The following NPAS3 variants were observed in gnomAD, a reference collection of about 807,000 sequenced individuals.
NPAS3 encodes neuronal PAS domain protein 3.
Under a neutral mutation model 73.1 loss-of-function variants are expected in NPAS3, and 14 were observed. That is an observed-to-expected ratio of 0.19 (90% CI 0.13 to 0.30). NPAS3 has a LOEUF of 0.30. NPAS3 is among the 10% of genes least tolerant of loss of function. The pLI is 1.00. For missense variants in NPAS3, 1,096 were observed against 1,250.0 expected (o/e 0.88, Z 1.86); for synonymous variants, 620 against 541.5 (o/e 1.14, Z -2.01).
chr14:33,045,211 G>A (rs987935688), intron 1 of NPAS3, among the ~76,000 whole-genome samples: 1 of 152,150 alleles, frequency 6.6e-6, no homozygotes, highest in Non-Finnish European at 1.5e-5. Context: ...ATTGCCATCA[G>A]TAGACAGAGG....
At chr14:33,214,774 T>G in intron 2 of NPAS3, 1 of 170,434 alleles carries the variant, frequency 5.9e-6, no homozygotes. Flanking sequence ...GATCCCATAC[T>G]GATGAAAGTT....
At chr14:32,938,731 T>G (rs538906931), upstream of NPAS3, among the ~76,000 whole-genome samples, 2 of 147,990 alleles carry the variant, frequency 1.4e-5, no homozygotes, top group Non-Finnish European at 3.0e-5. Context: ...TAGAAAGGGG[T>G]GACGGGGGAC....
chr14:33,009,179 A>G (rs189573542), intron 1 of NPAS3, among the ~76,000 whole-genome samples: 1 of 152,306 alleles, frequency 6.6e-6, no homozygotes, highest in African/African-American at 2.4e-5. Context: ...AGTAAATGCT[A>G]ATAAAAGAAA....
chr14:33,429,039 T>C (rs1733540485), intron 4 of NPAS3, among the ~76,000 whole-genome samples: 1 of 152,104 alleles, frequency 6.6e-6, no homozygotes, highest in African/African-American at 2.4e-5. Flanking sequence ...TACAGATGTT[T>C]GAGCTAAGGA....
intron 2 of NPAS3, among the ~76,000 whole-genome samples, chr14:33,086,020 G>T (rs1448463196): frequency 6.6e-6 from 1 of 152,036 alleles, no homozygotes; most frequent in Admixed American, 6.6e-5. Flanking sequence ...TTACAAACAT[G>T]CTTTCCACAC....
intron 3 of NPAS3, among the ~76,000 whole-genome samples, chr14:33,339,574 G>T (rs2044378827): frequency 6.6e-6 from 1 of 152,164 alleles, no homozygotes; most frequent in Non-Finnish European, 1.5e-5. Context: ...AGTTTATAGT[G>T]GTTGAAAGTT....
At chr14:33,601,321 C>A (rs2057392233) in intron 5 of NPAS3, among the ~76,000 whole-genome samples, 1 of 152,196 alleles carries the variant, frequency 6.6e-6, no homozygotes, top group African/African-American at 2.4e-5. Context: ...TGGGCAGTGC[C>A]CCAGGTTGGC....
chr14:33,797,603 G>A, intron 11 of NPAS3, 22 bp downstream of exon 11: 6 of 1,612,502 alleles, frequency 3.7e-6, no homozygotes, highest in South Asian at 1.1e-5. Flanking sequence ...TCTTTTCCAT[G>A]TTCTTCAGTG....
intron 4 of NPAS3, among the ~76,000 whole-genome samples, chr14:33,447,916 TA>T (rs1430844453): frequency 6.6e-6 from 1 of 151,830 alleles, no homozygotes; most frequent in Non-Finnish European, 1.5e-5. Context: ...CCCTATCTCT[TA>T]AAAAAAACAA....
chr14:33,024,142 A>ATGTGTGTGTGTGTG (rs5807700), intron 1 of NPAS3, among the ~76,000 whole-genome samples: 26 of 143,254 alleles, frequency 1.8e-4, no homozygotes, highest in Middle Eastern at 3.5e-3. Context: ...GTGTGTGTAT[A>ATGTGTGTGTGTGTG]TGTGTGTGTG....
At chr14:33,529,452 T>C (rs1164345313) in intron 4 of NPAS3, among the ~76,000 whole-genome samples, 2 of 152,040 alleles carry the variant, frequency 1.3e-5, no homozygotes, top group South Asian at 2.1e-4. Context: ...TAGACTGATA[T>C]TAACTTTTCC....
chr14:33,049,811 G>C (rs2040640690), intron 1 of NPAS3, among the ~76,000 whole-genome samples: 1 of 152,182 alleles, frequency 6.6e-6, no homozygotes, highest in African/African-American at 2.4e-5. Flanking sequence ...GACAAATGCT[G>C]GGACCCTCAG....
At chr14:33,564,713 G>A (rs775448096) in intron 5 of NPAS3, among the ~76,000 whole-genome samples, 11 of 152,150 alleles carry the variant, frequency 7.2e-5, no homozygotes, top group Non-Finnish European at 1.6e-4. Context: ...GAATACAATT[G>A]GACTCACATC....
At chr14:33,028,978 T>TC (rs1048636922) in intron 1 of NPAS3, among the ~76,000 whole-genome samples, 9 of 151,728 alleles carry the variant, frequency 5.9e-5, no homozygotes, top group South Asian at 2.1e-4. Context: ...ATGCTCTCCT[T>TC]CCCCCCCGCC....
intron 2 of NPAS3, among the ~76,000 whole-genome samples, chr14:33,112,881 A>C (rs71419939): frequency 1.3e-5 from 2 of 151,938 alleles, no homozygotes; most frequent in Admixed American, 6.6e-5. Flanking sequence ...AGCTTTCTAC[A>C]TATGGCTAGC....
At chr14:33,741,686 A>T (rs2061659049) in intron 7 of NPAS3, among the ~76,000 whole-genome samples, 1 of 152,122 alleles carries the variant, frequency 6.6e-6, no homozygotes, top group South Asian at 2.1e-4. Flanking sequence ...CTAATCAGCT[A>T]GCTATTTTAC....
At chr14:33,642,826 G>A (rs1169449743) in intron 5 of NPAS3, among the ~76,000 whole-genome samples, 1 of 152,082 alleles carries the variant, frequency 6.6e-6, no homozygotes, top group African/African-American at 2.4e-5. Flanking sequence ...CAAATGGCCG[G>A]GATGGATGGA....
At chr14:33,292,105 T>C (rs2042123121) in intron 3 of NPAS3, among the ~76,000 whole-genome samples, 1 of 152,256 alleles carries the variant, frequency 6.6e-6, no homozygotes, top group African/African-American at 2.4e-5. Context: ...CTCTTATTTA[T>C]TCAGTCAGCA....
intron 4 of NPAS3, among the ~76,000 whole-genome samples, chr14:33,370,262 A>T (rs2140432066): frequency 6.6e-6 from 1 of 152,304 alleles, no homozygotes; most frequent in African/African-American, 2.4e-5. Context: ...CCACAAAAGA[A>T]CAAGGCTCTG....
Sources: gnomAD v4.1 joint callset for allele counts (sites outside exome capture counted in the v4.1 genomes callset) on GRCh38, gnomAD v4.1.1 for gene constraint, MANE v1.5 for transcripts, NCBI Gene and HGNC (gene_info 2026-07-23, HGNC 2026-07-21) for gene names.